Variants in EVI5 observed in about 807,000 individuals in gnomAD.
EVI5 encodes ecotropic viral integration site 5 protein homolog.
EVI5 carries 73 observed loss-of-function variants against 112.0 expected under a neutral mutation model. The ratio of observed to expected loss-of-function variants is 0.65; its 90% CI spans 0.54 to 0.79. The LOEUF (loss-of-function observed/expected upper bound fraction) is 0.79, where lower values mean the gene tolerates loss of function less well. EVI5 is among the 30% of genes least tolerant of loss of function. The pLI is 0.00. For synonymous variants in EVI5, 305 were observed against 319.9 expected (o/e 0.95, Z 0.50); for missense variants, 900 against 968.8 (o/e 0.93, Z 0.94).
At chr1:92,673,838 G>A (rs558246768) in intron 10 of EVI5, among the ~76,000 whole-genome samples, 1 of 152,032 alleles carries the variant, frequency 6.6e-6, no homozygotes, top group Non-Finnish European at 1.5e-5. Context: ...CATCTTAACC[G>A]GGGGCTCACT....
Position 92,779,179 on chromosome 1 carries a change from A to C in EVI5, c.-82+5657T>G, listed in dbSNP as rs941988671. Among the ~76,000 whole-genome samples, 9 of 152,268 alleles carry C rather than the reference A, an allele frequency of 5.9e-5. 1 individual carries two copies. The highest frequency in any genetic ancestry group is 3.9e-4 in the Admixed American group (6 of 15,272). On this transcript the variant is annotated intron_variant, in intron 1 of 19. Coordinates refer to ENST00000684568, the MANE Select transcript of EVI5 (RefSeq NM_001350197.2). ...CTTCCGAGGAGGGCCTCTACTAATAAGACTATACCAAATAGGAAAAAAAGT... is the reference window on the plus strand; with the variant it reads ...CTTCCGAGGAGGGCCTCTACTAATACGACTATACCAAATAGGAAAAAAAGT...
intron 2 of EVI5, among the ~76,000 whole-genome samples, chr1:92,720,101 C>T (rs1168227524): frequency 6.6e-6 from 1 of 151,964 alleles, no homozygotes; most frequent in Admixed American, 6.5e-5. Flanking sequence ...CCATACTGCC[C>T]AAAGTAATTT....
intron 19 of EVI5, among the ~76,000 whole-genome samples, chr1:92,548,306 G>A (rs113522898): frequency 0.72 from 108,306 of 150,890 alleles, 39,587 homozygotes; most frequent in East Asian, 0.94. Context: ...AGCCCTTCAT[G>A]CTAAAAACTC....
intron 14 of EVI5, among the ~76,000 whole-genome samples, chr1:92,630,737 C>T (rs1028417989): frequency 4.6e-5 from 7 of 152,122 alleles, no homozygotes; most frequent in South Asian, 4.1e-4. Flanking sequence ...ACATGAAGTC[C>T]TTGCCCACGC....
intron 17 of EVI5, among the ~76,000 whole-genome samples, chr1:92,605,824 A>G (rs1650255722): frequency 6.6e-6 from 1 of 152,232 alleles, no homozygotes; most frequent in Admixed American, 6.5e-5. Flanking sequence ...ACAACTAAAA[A>G]TAAAAAAGCT....
chr1:92,709,377 ATAT>A (rs1281009413), intron 2 of EVI5, among the ~76,000 whole-genome samples: 2 of 152,306 alleles, frequency 1.3e-5, no homozygotes, highest in South Asian at 2.1e-4. Flanking sequence ...TTTGTAAAAA[ATAT>A]TATCTACTTA....
chr1:92,636,751 T>TAA lies in EVI5; in HGVS notation c.1393-417_1393-416dup, dbSNP rs1274516492. On this transcript the variant is annotated intron_variant, in intron 13 of 19. Coordinates refer to ENST00000684568, the MANE Select transcript of EVI5 (RefSeq NM_001350197.2). ...GGCTAATACAGATTAAAACAAGTTA[T>TAA]AAGTATAAAATACAAACTGGATTTT... is the stretch of plus-strand genomic sequence containing the variant. Among the ~76,000 whole-genome samples, 4 of 152,150 alleles carry TAA rather than the reference T, an allele frequency of 2.6e-5. No homozygotes were observed. In the East Asian group the frequency reaches 5.8e-4, roughly 22 times the overall value.
chr1:92,783,260 T>C (rs1685094884), intron 1 of EVI5, among the ~76,000 whole-genome samples: 1 of 151,874 alleles, frequency 6.6e-6, no homozygotes, highest in South Asian at 2.1e-4. Context: ...GTGCGCTGGC[T>C]CACGCCTGTA....
chr1:92,778,835 T>A (rs183618502), intron 1 of EVI5, among the ~76,000 whole-genome samples: 11 of 152,316 alleles, frequency 7.2e-5, no homozygotes, highest in African/African-American at 2.6e-4. Context: ...ATGCTCTACA[T>A]CTTATATCGG....
At chr1:92,634,541 A>C (rs983328564) in intron 14 of EVI5, among the ~76,000 whole-genome samples, 7 of 152,144 alleles carry the variant, frequency 4.6e-5, no homozygotes, top group Non-Finnish European at 1.0e-4. Flanking sequence ...AGGTCCTTTA[A>C]GGACTTCTCT....
At chr1:92,565,948 CAAAAAAAAA>C (rs71586755) in intron 18 of EVI5, among the ~76,000 whole-genome samples, 8 of 51,874 alleles carry the variant, frequency 1.5e-4, no homozygotes, top group African/African-American at 6.9e-4. Context: ...CCAGCCCGAG[CAAAAAAAAA>C]AAAAAAAAAA....
chr1:92,633,992 A>C (rs1467691651), intron 14 of EVI5, among the ~76,000 whole-genome samples: 2 of 152,152 alleles, frequency 1.3e-5, no homozygotes, highest in African/African-American at 4.8e-5. Context: ...TTTCTTTAAG[A>C]ATGTTGAATA....
upstream of EVI5, among the ~76,000 whole-genome samples, chr1:92,786,117 A>G (rs1196780930): frequency 6.6e-6 from 1 of 151,962 alleles, no homozygotes. Flanking sequence ...AAAAATTATA[A>G]TAATTAGCAG....
intron 16 of EVI5, among the ~76,000 whole-genome samples, chr1:92,620,068 G>A (rs1654179756): frequency 6.6e-6 from 1 of 152,110 alleles, no homozygotes; most frequent in Non-Finnish European, 1.5e-5. Flanking sequence ...CCAAGGGCCG[G>A]GCGTGCTGGC....
intron 1 of EVI5, among the ~76,000 whole-genome samples, chr1:92,744,600 TCACACACACACA>T (rs961223051): frequency 3.6e-4 from 10 of 28,024 alleles, no homozygotes; most frequent in African/African-American, 8.9e-4. Context: ...TCTCTCTCTC[TCACACACACACA>T]CACACACACA....
At chr1:92,558,053 A>C (rs1018021199) in intron 19 of EVI5, among the ~76,000 whole-genome samples, 2 of 152,164 alleles carry the variant, frequency 1.3e-5, no homozygotes, top group Non-Finnish European at 2.9e-5. Context: ...ATCTGTCTTA[A>C]TAAGTTTATT....
intron 19 of EVI5, among the ~76,000 whole-genome samples, chr1:92,546,720 T>G (rs138057313): frequency 1.9e-3 from 293 of 151,894 alleles, no homozygotes; most frequent in African/African-American, 6.7e-3. Context: ...AATAACAGAC[T>G]TTAAACCAAC....
At chr1:92,599,278 G>A (rs1012707400) in intron 18 of EVI5, among the ~76,000 whole-genome samples, 2 of 151,734 alleles carry the variant, frequency 1.3e-5, no homozygotes, top group Non-Finnish European at 2.9e-5. Context: ...GAAAGAATTC[G>A]GTTTGTGCAA....
chr1:92,787,602 G>A (rs1685732352), upstream of EVI5, among the ~76,000 whole-genome samples: 1 of 152,132 alleles, frequency 6.6e-6, no homozygotes, highest in African/African-American at 2.4e-5. Context: ...TTAGACAGGT[G>A]TGGTGGTAGG....
Sources: gnomAD v4.1 joint callset for allele counts (sites outside exome capture counted in the v4.1 genomes callset) on GRCh38, gnomAD v4.1.1 for gene constraint, MANE v1.5 for transcripts, NCBI Gene and HGNC (gene_info 2026-07-23, HGNC 2026-07-21) for gene names.